NALF1: variants seen among roughly 807,000 people sequenced by gnomAD.
The protein encoded by NALF1 is NALCN channel auxiliary factor 1.
NALF1 carries 3 observed loss-of-function variants against 48.4 expected under a neutral mutation model. The ratio of observed to expected loss-of-function variants is 0.06; its 90% CI spans 0.03 to 0.16. The LOEUF (loss-of-function observed/expected upper bound fraction) is 0.16, where lower values mean the gene tolerates loss of function less well. Among genes scored for constraint, NALF1 ranks in the 10% least tolerant of loss-of-function variants. NALF1 has a pLI of 1.00. For synonymous variants in NALF1, 262 were observed against 245.7 expected (o/e 1.07, Z -0.62); for missense variants, 526 against 571.5 (o/e 0.92, Z 0.81).
chr13:107,347,104 A>G (rs1195418812), intron 1 of NALF1, among the ~76,000 whole-genome samples: 1 of 152,220 alleles, frequency 6.6e-6, no homozygotes, highest in Non-Finnish European at 1.5e-5. Context: ...ATAACATAAA[A>G]GTGTTCATAT....
intron 1 of NALF1, among the ~76,000 whole-genome samples, chr13:107,237,271 T>C (rs1269818875): frequency 2.2e-5 from 3 of 137,614 alleles, no homozygotes; most frequent in African/African-American, 5.5e-5. Context: ...ACTATGTCAA[T>C]AGTTAGTTCT....
At chr13:107,659,144 C>CACACAT (rs1555315963) in intron 1 of NALF1, among the ~76,000 whole-genome samples, 1 of 151,736 alleles carries the variant, frequency 6.6e-6, no homozygotes, top group Admixed American at 6.6e-5. Flanking sequence ...CACACACACA[C>CACACAT]GCACTCAAAC....
chr13:107,535,094 T>C (rs1876761398), intron 1 of NALF1, among the ~76,000 whole-genome samples: 1 of 152,124 alleles, frequency 6.6e-6, no homozygotes, highest in Non-Finnish European at 1.5e-5. Flanking sequence ...GTCAAGATGA[T>C]GGGGCTAAAT....
chr13:107,410,680 G>T (rs907228452), intron 1 of NALF1, among the ~76,000 whole-genome samples: 3 of 152,152 alleles, frequency 2.0e-5, no homozygotes, highest in Non-Finnish European at 4.4e-5. Context: ...AGCAGATTCT[G>T]TGAGGCACCT....
intron 1 of NALF1, among the ~76,000 whole-genome samples, chr13:107,261,654 A>T (rs1284584068): frequency 6.6e-6 from 1 of 152,072 alleles, no homozygotes; most frequent in Non-Finnish European, 1.5e-5. Context: ...GTGTTTTATC[A>T]TCTGGGGGTA....
intron 1 of NALF1, among the ~76,000 whole-genome samples, chr13:107,216,767 C>T (rs1027993668): frequency 1.3e-5 from 2 of 152,162 alleles, no homozygotes; most frequent in African/African-American, 4.8e-5. Context: ...GCCAGCATCC[C>T]AGACTCCATT....
intron 1 of NALF1, among the ~76,000 whole-genome samples, chr13:107,329,661 G>T (rs1201314777): frequency 1.7e-5 from 1 of 59,992 alleles, no homozygotes; most frequent in Non-Finnish European, 3.2e-5. Context: ...CTCCCCCCAC[G>T]CCACAACAAT....
Position 107,730,339 on chromosome 13 carries a change from T to C in NALF1, c.915+135343A>G, listed in dbSNP as rs1876275190. On this transcript the variant is annotated intron_variant, in intron 1 of 2. Transcript: ENST00000375915. ...ACTCTCCTGTCTAACAACCTAGTCT[T>C]ATCCTCTGTAATACAAAAATTATAC... Among the ~76,000 whole-genome samples the C allele has an allele frequency of 4.6e-5, 7 of 152,334 alleles. No homozygotes were observed. In the South Asian group the frequency reaches 1.4e-3, roughly 32 times the overall value.
chr13:107,792,116 G>A (rs1369913017), intron 1 of NALF1, among the ~76,000 whole-genome samples: 2 of 152,160 alleles, frequency 1.3e-5, no homozygotes, highest in African/African-American at 4.8e-5. Context: ...AGCTTGGGTT[G>A]AGCCACAAGA....
At chr13:107,483,253 T>A (rs765224494) in intron 1 of NALF1, among the ~76,000 whole-genome samples, 163 of 152,292 alleles carry the variant, frequency 1.1e-3, no homozygotes, top group Non-Finnish European at 1.8e-3. Context: ...AAAGTGCATA[T>A]AAATCTCATT....
chr13:107,416,740 C>G lies in NALF1; in HGVS notation c.916-205985G>C, dbSNP rs61965877. On this transcript the variant is annotated intron_variant, in intron 1 of 2. Transcript: ENST00000375915. ...ATTTCTGAGGGGGTCTATCCCCAAC[C>G]CTCACGTTGCTCAAGGGTCACTTGA... is the stretch of plus-strand genomic sequence containing the variant. Among the ~76,000 whole-genome samples, 1,168 of 152,272 alleles carry G rather than the reference C, an allele frequency of 7.7e-3. 9 individuals are homozygous for G. Among genetic ancestry groups the G allele is most frequent in the Non-Finnish European group, 0.01 (685 of 68,028 alleles).
chr13:107,861,245 G>C (rs527586663), intron 1 of NALF1, among the ~76,000 whole-genome samples: 1 of 152,174 alleles, frequency 6.6e-6, no homozygotes, highest in African/African-American at 2.4e-5. Context: ...TAACTATCAT[G>C]CATCAATAAA....
chr13:107,665,112 T>C (rs1880824899), intron 1 of NALF1, among the ~76,000 whole-genome samples: 1 of 152,152 alleles, frequency 6.6e-6, no homozygotes. Context: ...ACTAGTTAGG[T>C]CATTCCAATT....
intron 1 of NALF1, among the ~76,000 whole-genome samples, chr13:107,391,827 T>G (rs1423510094): frequency 6.6e-6 from 1 of 152,112 alleles, no homozygotes; most frequent in Non-Finnish European, 1.5e-5. Flanking sequence ...TTGATTGATG[T>G]CTCACGCCTC....
chr13:107,330,701 T>G (rs1261519450), intron 1 of NALF1, among the ~76,000 whole-genome samples: 1 of 152,212 alleles, frequency 6.6e-6, no homozygotes, highest in African/African-American at 2.4e-5. Context: ...GGAATAAATG[T>G]GCTTCCAGGA....
intron 1 of NALF1, among the ~76,000 whole-genome samples, chr13:107,633,721 G>GTA (rs71121539): frequency 0.17 from 24,728 of 145,568 alleles, 2,321 homozygotes; most frequent in South Asian, 0.23. Context: ...ATATGTGTGT[G>GTA]TATATATATA....
chr13:107,663,180 A>G (rs1880772377), intron 1 of NALF1, among the ~76,000 whole-genome samples: 3 of 152,208 alleles, frequency 2.0e-5, no homozygotes, highest in Admixed American at 2.0e-4. Flanking sequence ...ATGTACTAAG[A>G]TATTTCATTC....
chr13:107,330,786 A>G (rs12583955), intron 1 of NALF1, among the ~76,000 whole-genome samples: 10,318 of 152,268 alleles, frequency 0.068, 424 homozygotes, highest in East Asian at 0.19. Flanking sequence ...CTAAATTCAA[A>G]CCCTGTCATG....
chr13:107,299,987 G>A (rs183138470), intron 1 of NALF1, among the ~76,000 whole-genome samples: 114 of 152,240 alleles, frequency 7.5e-4, no homozygotes, highest in Middle Eastern at 6.8e-3. Context: ...CCTGTTCTTG[G>A]AGACTGGTAT....
Sources: allele counts gnomAD v4.1 joint callset (sites outside exome capture counted in the v4.1 genomes callset), GRCh38; gene constraint gnomAD v4.1.1; transcripts MANE v1.5; gene names NCBI Gene and HGNC (gene_info 2026-07-23, HGNC 2026-07-21).